The following RCL1 variants were observed in gnomAD, a reference collection of about 807,000 sequenced individuals.
RCL1 encodes the protein RNA terminal phosphate cyclase like 1.
RCL1 carries 24 observed loss-of-function variants against 42.4 expected under a neutral mutation model. The observed-to-expected ratio is 0.57, with a 90% CI of 0.41 to 0.80. The LOEUF (loss-of-function observed/expected upper bound fraction) is 0.80, where lower values mean the gene tolerates loss of function less well. RCL1 is among the 30% of genes least tolerant of loss of function. RCL1 has a pLI of 0.00. For synonymous variants in RCL1, 228 were observed against 177.3 expected (o/e 1.29, Z -2.27); for missense variants, 578 against 467.9 (o/e 1.24, Z -2.17).
Position 4,823,578 on chromosome 9 carries a change from A to G in RCL1, c.167A>G (p.Asp56Gly), listed in dbSNP as rs775035664. Residue 56 changes from aspartate (D) to glycine (G), a missense_variant, in exon 2 of 9, where the codon GAC becomes GGC. Asp to Gly is a moderately conservative substitution (Grantham distance 94). Transcript: ENST00000381750. ...DFEASFIRLL[D>G]KITNGSRIEI... is the part of the protein sequence containing the mutation. ...GAAGCCAGCTTCATAAGGCTATTGGACAAAATAACGAATGGTTCTCGAATT... is the reference window on the plus strand; with the variant it reads ...GAAGCCAGCTTCATAAGGCTATTGGGCAAAATAACGAATGGTTCTCGAATT... 18 of 1,611,924 alleles carry G rather than the reference A, an allele frequency of 1.1e-5. No individual in the cohort carries two copies. Among genetic ancestry groups the G allele is most frequent in the Non-Finnish European group, 1.4e-5 (16 of 1,179,192 alleles).
chr9:4,844,700 C>T lies in RCL1; in HGVS notation c.867+19C>T, dbSNP rs772145855. ...CTACAGGGTATGTCCACAGCTTCCT[C>T]TGATAGAGGAGTGACCAGGAAGCAG... On this transcript the variant is annotated intron_variant, in intron 7 of 8. Transcript: ENST00000381750. The T allele has an allele frequency of 1.2e-6, 2 of 1,604,888 alleles. No individual in the cohort carries two copies. Among genetic ancestry groups the T allele is most frequent in the Non-Finnish European group, 1.7e-6 (2 of 1,176,114 alleles).
chr9:4,813,456 A>G (rs1184854342), intron 1 of RCL1, among the ~76,000 whole-genome samples: 2 of 152,262 alleles, frequency 1.3e-5, no homozygotes, highest in East Asian at 1.9e-4. Flanking sequence ...ATCACTGGCC[A>G]TCAGAGAAAT....
chr9:4,814,539 T>A (rs1337069728), intron 1 of RCL1, among the ~76,000 whole-genome samples: 1 of 152,198 alleles, frequency 6.6e-6, no homozygotes, highest in African/African-American at 2.4e-5. Flanking sequence ...AGTGTTGGGA[T>A]TCTAGGCATG....
chr9:4,854,569 C>T (rs975460942), intron 8 of RCL1, among the ~76,000 whole-genome samples: 2 of 152,074 alleles, frequency 1.3e-5, no homozygotes, highest in African/African-American at 4.8e-5. Context: ...AGAGAGGGCT[C>T]ACCCCATGAT....
intron 6 of RCL1, among the ~76,000 whole-genome samples, chr9:4,844,152 C>T (rs984234170): frequency 1.3e-5 from 2 of 152,126 alleles, no homozygotes; most frequent in Non-Finnish European, 2.9e-5. Flanking sequence ...CTGCCAGACA[C>T]ATAGAAAGTA....
At chr9:4,852,507 C>T (rs1199601274) in intron 8 of RCL1, among the ~76,000 whole-genome samples, 1 of 152,216 alleles carries the variant, frequency 6.6e-6, no homozygotes. Flanking sequence ...TCTTGGAGTC[C>T]AGCCTATCTG....
At chr9:4,796,073 A>G (rs1406141736) in intron 1 of RCL1, among the ~76,000 whole-genome samples, 1 of 152,206 alleles carries the variant, frequency 6.6e-6, no homozygotes, top group Non-Finnish European at 1.5e-5. Context: ...TTTGCAAAAT[A>G]AACAGTTCTT....
rs117056582 is a variant in RCL1, at chr9:4,840,967, G to T, written c.585-265G>T. Among the ~76,000 whole-genome samples, 1,398 of 152,218 alleles carry T rather than the reference G, an allele frequency of 9.2e-3. 16 individuals carry two copies. The highest frequency in any genetic ancestry group is 0.015 in the Non-Finnish European group (1,025 of 68,004). ...CTTGAACCATTTCTAGGGGAAGCGT[G>T]TGGGTAGGAAGTCAGGGGGTGGGGT... is the stretch of plus-strand genomic sequence containing the variant. On this transcript the variant is annotated intron_variant, in intron 5 of 8. Transcript: ENST00000381750.
At chr9:4,819,684 G>A (rs1294666766) in intron 1 of RCL1, among the ~76,000 whole-genome samples, 1 of 152,216 alleles carries the variant, frequency 6.6e-6, no homozygotes, top group Non-Finnish European at 1.5e-5. Flanking sequence ...GCACGCGCCT[G>A]TAGTCCCAGC....
At chr9:4,822,484 C>T (rs975065199) in intron 1 of RCL1, among the ~76,000 whole-genome samples, 7 of 152,156 alleles carry the variant, frequency 4.6e-5, no homozygotes, top group African/African-American at 1.7e-4. Flanking sequence ...TTCCTTTCCC[C>T]TTCTTTTTTC....
intron 1 of RCL1, among the ~76,000 whole-genome samples, chr9:4,811,238 C>G (rs1302895358): frequency 6.8e-6 from 1 of 147,486 alleles, no homozygotes; most frequent in Non-Finnish European, 1.5e-5. Context: ...GTCATGATCA[C>G]ACCACTGCAC....
At chr9:4,833,894 T>C (rs1228156132) in intron 4 of RCL1, among the ~76,000 whole-genome samples, 1 of 152,194 alleles carries the variant, frequency 6.6e-6, no homozygotes, top group Non-Finnish European at 1.5e-5. Flanking sequence ...AAGTGACCTG[T>C]TCAGGGTTAA....
intron 1 of RCL1, among the ~76,000 whole-genome samples, chr9:4,797,579 G>A (rs932332277): frequency 1.3e-5 from 2 of 152,160 alleles, no homozygotes; most frequent in Non-Finnish European, 2.9e-5. Context: ...GAATCCAAGG[G>A]TGCTGCTAAA....
At chr9:4,820,658 T>C (rs989287879) in intron 1 of RCL1, among the ~76,000 whole-genome samples, 3 of 152,176 alleles carry the variant, frequency 2.0e-5, no homozygotes, top group Non-Finnish European at 4.4e-5. Context: ...TGTTCCTCTA[T>C]CCCATTTAGA....
intron 5 of RCL1, among the ~76,000 whole-genome samples, chr9:4,834,828 C>A (rs988598688): frequency 2.0e-5 from 3 of 152,164 alleles, no homozygotes; most frequent in Admixed American, 6.5e-5. Flanking sequence ...CCCTTGAGTT[C>A]ACTTACATCC....
At chr9:4,859,750 GCC>G (rs1299970292) in intron 8 of RCL1, among the ~76,000 whole-genome samples, 3 of 152,164 alleles carry the variant, frequency 2.0e-5, no homozygotes, top group Non-Finnish European at 4.4e-5. Flanking sequence ...GATTGCTTGA[GCC>G]CAGGAGCTTG....
Position 4,825,341 on chromosome 9 carries a change from T to TA in RCL1, c.209-1514dup, listed in dbSNP as rs367751071. 6.0e-3 allele frequency among the ~76,000 whole-genome samples: 909 copies of TA among 152,358 alleles called. 10 individuals are homozygous for TA. Among genetic ancestry groups the TA allele is most frequent in the African/African-American group, 0.021 (864 of 41,586 alleles). On this transcript the variant is annotated intron_variant, in intron 2 of 8. Coordinates refer to ENST00000381750, the MANE Select transcript of RCL1 (RefSeq NM_005772.5). ...CAGTTTCTCATTTGGCTAATTTGTA[T>TA]AAATAAACATACGGATTTGAAGCAT...
rs762468579 is a variant in RCL1 at position 4,834,142 on chromosome 9, T to C, written c.461T>C (p.Ile154Thr). ...TCATCTTTCTCACTCTCTGTGTAGA[T>C]TGTGCGACGGGGAATGCCTCCCGGA... ...GIDGESFELK[I>T]VRRGMPPGGG... The change falls in exon 5 of 9, where the codon ATT (isoleucine) becomes ACT (threonine). Residue 154 changes from isoleucine to threonine, a missense_variant and splice_region_variant. Transcript: ENST00000381750. 15 of 1,612,258 alleles carry C rather than the reference T, an allele frequency of 9.3e-6. No individual in the cohort carries two copies. Among genetic ancestry groups the C allele is most frequent in the South Asian group, 3.3e-5 (3 of 90,932 alleles).
At chr9:4,851,929 A>G (rs565463770) in intron 8 of RCL1, among the ~76,000 whole-genome samples, 48 of 124,858 alleles carry the variant, frequency 3.8e-4, no homozygotes, top group East Asian at 5.2e-4. Flanking sequence ...CGCCCAGGCT[A>G]GAGGGCAGAG....
Sources: allele counts gnomAD v4.1 joint callset (sites outside exome capture counted in the v4.1 genomes callset), GRCh38; gene constraint gnomAD v4.1.1; transcripts MANE v1.5; gene names NCBI Gene and HGNC (gene_info 2026-07-23, HGNC 2026-07-21).